MTA3: variants seen among roughly 807,000 people sequenced by gnomAD.
The protein encoded by MTA3 is metastasis-associated protein MTA3.
Under a neutral mutation model 83.5 loss-of-function variants are expected in MTA3, and 34 were observed. That is an observed-to-expected ratio of 0.41 (90% CI 0.31 to 0.54). The LOEUF is 0.54. Ranked by LOEUF, MTA3 falls within the 20% of genes least tolerant of loss-of-function variation. The pLI is 0.33. For missense variants in MTA3, 761 were observed against 726.4 expected (o/e 1.05, Z -0.55); for synonymous variants, 303 against 252.7 (o/e 1.20, Z -1.89).
intron 16 of MTA3, among the ~76,000 whole-genome samples, chr2:42,725,024 T>A (rs1168137692): frequency 6.6e-6 from 1 of 152,232 alleles, no homozygotes; most frequent in Non-Finnish European, 1.5e-5. Flanking sequence ...CTGAAACACT[T>A]CCTTCTTTAA....
chr2:42,530,089 G>A (rs968548079), intron 2 of MTA3, among the ~76,000 whole-genome samples: 46 of 151,854 alleles, frequency 3.0e-4, no homozygotes, highest in African/African-American at 1.1e-3. Flanking sequence ...GGAGGCTGAG[G>A]CAGGAGAATA....
intron 2 of MTA3, among the ~76,000 whole-genome samples, chr2:42,557,249 A>G (rs972252290): frequency 1.7e-4 from 26 of 151,814 alleles, no homozygotes; most frequent in Admixed American, 3.9e-4. Context: ...ACTGCACTCC[A>G]GCCTGGGCAA....
chr2:42,568,478 C>T (rs1448840913), upstream of MTA3: 1 of 186,798 alleles, frequency 5.4e-6, no homozygotes, highest in Non-Finnish European at 1.1e-5. Flanking sequence ...CCCGCTGGCC[C>T]CGCAGCGCTC....
chr2:42,752,007 T>G (rs1669910049), intron 16 of MTA3, among the ~76,000 whole-genome samples: 1 of 152,206 alleles, frequency 6.6e-6, no homozygotes, highest in Non-Finnish European at 1.5e-5. Flanking sequence ...CATTCAAATC[T>G]TGACTCCTCA....
chr2:42,737,597 C>T (rs1668706063), intron 16 of MTA3, among the ~76,000 whole-genome samples: 1 of 152,186 alleles, frequency 6.6e-6, no homozygotes, highest in South Asian at 2.1e-4. Context: ...TCAGCAGGGA[C>T]AATTGCTGAA....
At chr2:42,546,567 G>A (rs1006750721) in intron 2 of MTA3, among the ~76,000 whole-genome samples, 8 of 152,076 alleles carry the variant, frequency 5.3e-5, no homozygotes, top group African/African-American at 1.7e-4. Context: ...TCCATCTAGA[G>A]GCATTTCTAG....
chr2:42,638,741 T>C (rs973276673), intron 4 of MTA3, among the ~76,000 whole-genome samples: 22 of 151,236 alleles, frequency 1.5e-4, no homozygotes, highest in Non-Finnish European at 1.0e-4. Context: ...TCTACTTGAA[T>C]AAAATATGTT....
intron 2 of MTA3, among the ~76,000 whole-genome samples, chr2:42,535,184 C>T (rs1475588313): frequency 2.0e-5 from 3 of 151,406 alleles, no homozygotes; most frequent in South Asian, 2.1e-4. Context: ...GTCAGGAGTT[C>T]GAGACCAGCC....
intron 9 of MTA3, among the ~76,000 whole-genome samples, chr2:42,684,353 T>G (rs1692193023): frequency 6.6e-6 from 1 of 152,244 alleles, no homozygotes; most frequent in Admixed American, 6.5e-5. Context: ...ACAAAGTTAT[T>G]ACTTACCAAT....
Position 42,724,277 on chromosome 2 carries a change from A to ACACACACACACACACAC in MTA3, c.1759+1242_1759+1243insCACACACACACACACAC, listed in dbSNP as rs1553396461. On this transcript the variant is annotated intron_variant, in intron 16 of 16. Coordinates refer to ENST00000405094, the MANE Select transcript of MTA3 (RefSeq NM_001330442.2). The stretch of plus-strand genomic sequence containing the variant: ...AGAAGGTATAAAGTAAGTCCTGAAA[A>ACACACACACACACACAC]ACACACACACACACACACACACACA... Among the ~76,000 whole-genome samples, 107 of 73,176 alleles carry ACACACACACACACACAC rather than the reference A, an allele frequency of 1.5e-3. 2 individuals carry two copies. Among genetic ancestry groups the ACACACACACACACACAC allele is most frequent in the Middle Eastern group, 8.9e-3 (1 of 112 alleles). The allele number at this position is 73,176 out of a possible 152,430, so 48.0% of individuals were successfully genotyped here.
At chr2:42,584,088 C>T (rs773368246) in intron 3 of MTA3, among the ~76,000 whole-genome samples, 3 of 150,952 alleles carry the variant, frequency 2.0e-5, no homozygotes, top group Non-Finnish European at 4.4e-5. Context: ...GGTGATACGC[C>T]CACCTCTGCC....
In MTA3 at chr2:42,719,067, G is replaced by T. The variant is rs948799383; in HGVS notation, c.1605G>T (p.Gly535=). ...STRKPLACII[G]YLEIHPAKKP... ...GGAAGCCTTTGGCATGTATCATTGGGTATTTAGGTGGGTATTTTCTAATAG... is the reference window on the plus strand; with the variant it reads ...GGAAGCCTTTGGCATGTATCATTGGTTATTTAGGTGGGTATTTTCTAATAG... Residue 535 remains glycine (G), a synonymous_variant, in exon 15 of 17, where the codon GGG becomes GGT. Coordinates refer to ENST00000405094, the MANE Select transcript of MTA3 (RefSeq NM_001330442.2). 5 of 1,547,988 alleles carry T rather than the reference G, an allele frequency of 3.2e-6. No homozygotes were observed. The highest frequency in any genetic ancestry group is 3.5e-6 in the Non-Finnish European group (4 of 1,144,678).
upstream of MTA3, among the ~76,000 whole-genome samples, chr2:42,494,296 G>A (rs1572875042): frequency 6.6e-6 from 1 of 152,100 alleles, no homozygotes; most frequent in Non-Finnish European, 1.5e-5. Context: ...GTCCTGCCCT[G>A]GGCCATCGGG....
At chr2:42,513,111 C>G (rs1674976735) in intron 2 of MTA3, among the ~76,000 whole-genome samples, 1 of 152,140 alleles carries the variant, frequency 6.6e-6, no homozygotes, top group Non-Finnish European at 1.5e-5. Flanking sequence ...AAATAACCAA[C>G]TGGGCATACG....
chr2:42,687,267 T>A (rs1692464538), intron 9 of MTA3, among the ~76,000 whole-genome samples: 1 of 152,230 alleles, frequency 6.6e-6, no homozygotes, highest in South Asian at 2.1e-4. Context: ...CCCTATAGTT[T>A]TGCCTTTTTC....
chr2:42,521,751 CTTTTTTT>C, intron 2 of MTA3, among the ~76,000 whole-genome samples: 1 of 106,406 alleles, frequency 9.4e-6, no homozygotes, highest in East Asian at 2.8e-4. Flanking sequence ...ATCTTTCTCT[CTTTTTTT>C]TTTTTTTTTT....
At chr2:42,587,239 G>C (rs951423321) in intron 3 of MTA3, among the ~76,000 whole-genome samples, 1 of 152,086 alleles carries the variant, frequency 6.6e-6, no homozygotes, top group Non-Finnish European at 1.5e-5. Flanking sequence ...CAGATCGCTG[G>C]AGGTTGAGGC....
intron 8 of MTA3, among the ~76,000 whole-genome samples, chr2:42,667,582 G>GTGTGTGTGTTTGTGTGTT: frequency 1.6e-5 from 2 of 129,008 alleles, no homozygotes; most frequent in South Asian, 5.4e-4. Context: ...GTGTGTGTGT[G>GTGTGTGTGTTTGTGTGTT]TGTGTGTGTG....
At chr2:42,667,585 T>TGTGTGTTTGTGTGC (rs1690363846) in intron 8 of MTA3, among the ~76,000 whole-genome samples, 1 of 129,554 alleles carries the variant, frequency 7.7e-6, no homozygotes, top group Non-Finnish European at 1.6e-5. Flanking sequence ...TGTGTGTGTG[T>TGTGTGTTTGTGTGC]GTGTGTGTGT....
Sources: gnomAD v4.1 joint callset for allele counts (sites outside exome capture counted in the v4.1 genomes callset) on GRCh38, gnomAD v4.1.1 for gene constraint, MANE v1.5 for transcripts, NCBI Gene and HGNC (gene_info 2026-07-23, HGNC 2026-07-21) for gene names.